Variants in RFC1 observed in about 807,000 individuals in gnomAD.
RFC1 encodes A1 140 kDa subunit.
In RFC1, 37 loss-of-function variants were observed where a neutral mutation model predicts 137.4. That is an observed-to-expected ratio of 0.27 (90% CI 0.21 to 0.35). The LOEUF is 0.35. RFC1 is among the 10% of genes least tolerant of loss of function. RFC1 has a pLI of 1.00. For missense variants in RFC1, 1,205 were observed against 1,358.5 expected (o/e 0.89, Z 1.78); for synonymous variants, 429 against 455.7 (o/e 0.94, Z 0.75).
Position 39,302,346 on chromosome 4 carries a change from G to A in RFC1, c.2467C>T (p.Arg823Ter). ...TGGTCATAGGTTAATGCTTTACTTC[G>A]TGCACACCACATACTCAGATTATGT... ...VLHNLSMWCA[R>*]SKALTYDQAK... Residue 823 changes from arginine to a stop codon, truncating the protein, a stop_gained, in exon 19 of 25, where the codon CGA becomes TGA. Coordinates refer to ENST00000349703, the MANE Select transcript of RFC1 (RefSeq NM_002913.5). LOFTEE classifies it high-confidence loss of function. 1 of 1,612,720 alleles carries A rather than the reference G, an allele frequency of 6.2e-7. No individual in the cohort carries two copies. The highest frequency in any genetic ancestry group is 8.5e-7 in the Non-Finnish European group (1 of 1,178,820).
In RFC1 at chr4:39,302,364, G is replaced by GA; in HGVS notation, c.2448dup (p.Leu817SerfsTer9). Reference sequence around the variant, plus strand: ...TTACTTCGTGCACACCACATACTCAGATTATGTAAAACCTAAAAGAATCAC... The same window carrying GA: ...TTACTTCGTGCACACCACATACTCAGAATTATGTAAAACCTAAAAGAATCAC... On this transcript the variant is annotated frameshift_variant, in exon 19 of 25. Transcript: ENST00000349703. LOFTEE classifies it high-confidence loss of function. The GA allele has an allele frequency of 1.2e-6, 2 of 1,612,028 alleles. No individual in the cohort carries two copies. The highest frequency in any genetic ancestry group is 1.7e-6 in the Non-Finnish European group (2 of 1,178,160).
At chr4:39,320,075 C>T (rs958069282) in intron 9 of RFC1, among the ~76,000 whole-genome samples, 4 of 152,268 alleles carry the variant, frequency 2.6e-5, no homozygotes, top group African/African-American at 4.8e-5. Flanking sequence ...CAAGGCCGGG[C>T]GCGGTGGCTC....
chr4:39,356,232 C>T (rs1741473041), intron 1 of RFC1, among the ~76,000 whole-genome samples: 1 of 152,072 alleles, frequency 6.6e-6, no homozygotes. Flanking sequence ...AACCCCATCT[C>T]TACTAAAAAT....
chr4:39,345,668 C>T (rs1214965171), intron 2 of RFC1, among the ~76,000 whole-genome samples, 192 bp from the exon 3 acceptor site: 2 of 152,136 alleles, frequency 1.3e-5, no homozygotes, highest in Non-Finnish European at 2.9e-5. Context: ...CCACAGAAAC[C>T]CGCCACAATG....
rs765660964 is a variant in RFC1, at chr4:39,303,117, A to G, written c.2145T>C (p.Ala715=). 5.0e-6 allele frequency: 8 copies of G among 1,613,880 alleles called. No individual in the cohort carries two copies. The highest frequency in any genetic ancestry group is 1.7e-5 in the Admixed American group (1 of 60,004). The change falls in exon 16 of 25, where the codon GCT becomes GCC. Residue 715 remains alanine, a synonymous_variant. Coordinates refer to ENST00000349703, the MANE Select transcript of RFC1 (RefSeq NM_002913.5). ...GAASSVSTKH[A]LIMDEVDGMA... ...TGCCATCTACTTCATCCATGATGAG[A>G]GCATGTTTCGTGCTTACTGAAGAGG...
intron 21 of RFC1, among the ~76,000 whole-genome samples, chr4:39,296,785 G>C (rs1738034828): frequency 6.7e-6 from 1 of 148,938 alleles, no homozygotes; most frequent in Non-Finnish European, 1.5e-5. Context: ...GGATGGCTGG[G>C]TCAAATGGTA....
chr4:39,362,967 A>G (rs1476179428), intron 1 of RFC1, among the ~76,000 whole-genome samples: 1 of 152,248 alleles, frequency 6.6e-6, no homozygotes, highest in Non-Finnish European at 1.5e-5. Context: ...TGCTCCAGGG[A>G]GAGCATTCCA....
At chr4:39,353,027 GACAC>G (rs59032726) in intron 1 of RFC1, among the ~76,000 whole-genome samples, 24 of 150,974 alleles carry the variant, frequency 1.6e-4, no homozygotes, top group Non-Finnish European at 2.2e-4. Context: ...AAATAAGTGT[GACAC>G]ACACACACAC....
Position 39,308,985 on chromosome 4 carries a change from T to C in RFC1, c.1536A>G (p.Gln512=). The C allele has an allele frequency of 6.2e-7, 1 of 1,611,838 alleles. No individual in the cohort carries two copies. The highest frequency in any genetic ancestry group is 8.5e-7 in the Non-Finnish European group (1 of 1,179,680). Reference sequence around the variant, plus strand: ...TAGATGGACTAATTTTTCTTTTTCCTTGGACATTTTTTTGGGGTGTTCTCT... The same window carrying C: ...TAGATGGACTAATTTTTCTTTTTCCCTGGACATTTTTTTGGGGTGTTCTCT... ...KLERTPQKNV[Q]GKRKISPSKK... The change falls in exon 13 of 25, where the codon CAA becomes CAG. Residue 512 remains glutamine, a synonymous_variant. Transcript: ENST00000349703.
chr4:39,343,919 C>T (rs945561680), intron 3 of RFC1, among the ~76,000 whole-genome samples: 1 of 152,026 alleles, frequency 6.6e-6, no homozygotes, highest in Admixed American at 6.6e-5. Context: ...TCGAGACCAG[C>T]CTGGCCAACA....
intron 7 of RFC1, among the ~76,000 whole-genome samples, chr4:39,322,910 C>A (rs1332965320): frequency 6.6e-6 from 1 of 151,852 alleles, no homozygotes; most frequent in Non-Finnish European, 1.5e-5. Context: ...ATAACAAAAC[C>A]CCCTCTCTAC....
At chr4:39,323,278 G>GC in intron 7 of RFC1, 62 bp downstream of exon 7, 1 of 1,245,820 alleles carries the variant, frequency 8.0e-7, no homozygotes, top group Non-Finnish European at 1.1e-6. Flanking sequence ...CCTAGAACAC[G>GC]CAAGTATGAA....
intron 23 of RFC1, 149 bp downstream of exon 23, chr4:39,291,490 T>C (rs1737670644): frequency 1.6e-6 from 1 of 632,308 alleles, no homozygotes; most frequent in Non-Finnish European, 2.8e-6. Context: ...ATTCAAATAG[T>C]ATCTTTGGAA....
intron 4 of RFC1, among the ~76,000 whole-genome samples, chr4:39,334,017 G>A (rs17334853): frequency 5.3e-5 from 8 of 152,042 alleles, no homozygotes; most frequent in Admixed American, 3.3e-4. Flanking sequence ...AGGAAGGTAC[G>A]AGTAACTCTA....
rs753892527 is a variant in RFC1 at position 39,326,604 on chromosome 4, C to T, written c.601G>A (p.Glu201Lys). Residue 201 changes from glutamate to lysine, a missense_variant, in exon 6 of 25, where the codon GAA becomes AAA. Glu to Lys is a moderately conservative substitution (Grantham distance 56). Around this residue, in one of 3 missense-constraint regions of RFC1, gnomAD observed 962 missense variants for 1,035.3 expected, o/e 0.93. Transcript: ENST00000349703. ...QNTDESGLNDEAIAKQLQLDE... is the reference protein window; with the variant it reads ...QNTDESGLNDKAIAKQLQLDE... Reference sequence around the variant, plus strand: ...AGCTGTAATTGCTTGGCGATGGCTTCATCATTTAATCCAGACTCATCTGTA... The same window carrying T: ...AGCTGTAATTGCTTGGCGATGGCTTTATCATTTAATCCAGACTCATCTGTA... 1.9e-6 allele frequency: 3 copies of T among 1,613,314 alleles called. No homozygotes were observed. The South Asian group carries it at 3.3e-5, about 18-fold the overall frequency.
chr4:39,302,829 T>C lies in RFC1; in HGVS notation c.2248A>G (p.Met750Val), dbSNP rs558110225. 1.0e-4 allele frequency: 160 copies of C among 1,594,878 alleles called. 1 individual carries two copies. The South Asian group carries it at 1.7e-3, about 17-fold the overall frequency. ...TTGGGATGATTTCTATCATTGCACA[T>C]ACAAATAATGGGAATTTTAGTATGT... ...IKHTKIPIIC[M>V]CNDRNHPKIR... Residue 750 changes from methionine to valine, a missense_variant, in exon 17 of 25, where the codon ATG becomes GTG. Transcript: ENST00000349703.
Position 39,309,812 on chromosome 4 carries a change from A to G in RFC1, c.1489-780T>C, listed in dbSNP as rs533981320. Among the ~76,000 whole-genome samples, 5 of 152,344 alleles carry G rather than the reference A, an allele frequency of 3.3e-5. No individual in the cohort carries two copies. In the East Asian group the frequency reaches 7.7e-4, roughly 23 times the overall value. On this transcript the variant is annotated intron_variant, in intron 12 of 24. Coordinates refer to ENST00000349703, the MANE Select transcript of RFC1 (RefSeq NM_002913.5). ...TGTATACTTTATAAGGGTGGATTTT[A>G]TAGTATGTAATATCTCAGTTTTTAA...
At position 39,302,610 on chromosome 4, in the gene RFC1, G is replaced by C. The variant is rs1738419068; in HGVS notation, c.2341-15C>G. The C allele has an allele frequency of 6.5e-7, 1 of 1,548,212 alleles. No homozygotes were observed. Among genetic ancestry groups the C allele is most frequent in the African/African-American group, 1.4e-5 (1 of 72,366 alleles). On this transcript the variant is annotated splice_polypyrimidine_tract_variant and intron_variant, in intron 17 of 24. Coordinates refer to ENST00000349703, the MANE Select transcript of RFC1 (RefSeq NM_002913.5). ...ATCATAGCACCCTGAAATTGACAAG[G>C]GAGGAGTCCTCAATGATTTTTAACT...
Position 39,304,851 on chromosome 4 carries a change from C to G in RFC1, c.2073G>C (p.Glu691Asp), listed in dbSNP as rs11932767. 5,187 of 1,612,826 alleles carry G rather than the reference C, an allele frequency of 3.2e-3. 127 individuals are homozygous for G. The African/African-American group carries it at 0.058, about 18-fold the overall frequency. Residue 691 changes from glutamate to aspartate, a missense_variant, in exon 15 of 25, where the codon GAG becomes GAC. Physicochemically the swap from Glu to Asp is conservative, Grantham distance 45. Transcript: ENST00000349703. ...CTTTGATGCTGGTATTGTTCAGTGA[C>G]TCAGCAACAATCGCCTTCAAACTGC... ...SKSSLKAIVA[E>D]SLNNTSIKGF... is the part of the protein sequence containing the mutation.
Sources: gnomAD v4.1 joint callset for allele counts (sites outside exome capture counted in the v4.1 genomes callset) on GRCh38, gnomAD v4.1.1 for gene constraint, gnomAD v4.1.1 regional missense constraint, MANE v1.5 for transcripts, NCBI Gene and HGNC (gene_info 2026-07-23, HGNC 2026-07-21) for gene names.